The following FERMT2 variants were observed in gnomAD, a reference collection of about 807,000 sequenced individuals.
The protein encoded by FERMT2 is fermitin family homolog 2.
In FERMT2, 15 loss-of-function variants were observed where a neutral mutation model predicts 82.7. The observed-to-expected ratio is 0.18, with a 90% CI of 0.12 to 0.28. FERMT2 has a LOEUF of 0.28. Ranked by LOEUF, FERMT2 falls within the 10% of genes least tolerant of loss-of-function variation. The pLI is 1.00. For synonymous variants in FERMT2, 274 were observed against 271.5 expected (o/e 1.01, Z -0.09); for missense variants, 645 against 809.4 (o/e 0.80, Z 2.46).
In FERMT2 at chr14:52,897,972, G is replaced by A. The variant is rs1206783544; in HGVS notation, c.392-4545C>T. ...GCCTGGGCAAGGAGAGTGAAACTCCGTCTCAAAAAAAAAAAAAAAAAACAA... is the reference window on the plus strand; with the variant it reads ...GCCTGGGCAAGGAGAGTGAAACTCCATCTCAAAAAAAAAAAAAAAAAACAA... On this transcript the variant is annotated intron_variant, in intron 3 of 14. Transcript: ENST00000341590. Among the ~76,000 whole-genome samples, 9 of 53,768 alleles carry A rather than the reference G, an allele frequency of 1.7e-4. No homozygotes were observed. In the East Asian group the frequency reaches 3.9e-3, roughly 23 times the overall value. The allele number at this position is 53,768 out of a possible 152,430, so 35.3% of individuals were successfully genotyped here.
chr14:52,920,068 C>T (rs1416835737), intron 2 of FERMT2, among the ~76,000 whole-genome samples: 2 of 152,142 alleles, frequency 1.3e-5, no homozygotes, highest in African/African-American at 4.8e-5. Context: ...ATTTAACAGC[C>T]TTATGCAACT....
At chr14:52,940,048 A>G (rs1890022104) in intron 2 of FERMT2, among the ~76,000 whole-genome samples, 2 of 152,318 alleles carry the variant, frequency 1.3e-5, no homozygotes, top group Admixed American at 6.5e-5. Flanking sequence ...TACCTAATGT[A>G]TTTTTTAGTT....
At chr14:52,902,266 A>G (rs1887697879) in intron 3 of FERMT2, among the ~76,000 whole-genome samples, 1 of 151,842 alleles carries the variant, frequency 6.6e-6, no homozygotes, top group South Asian at 2.1e-4. Flanking sequence ...GATGGCGTGC[A>G]TCTGTAGTCC....
rs77587551 is a variant in FERMT2, at chr14:52,866,562, C to G, written c.1274-1709G>C. ...TAACTTTTCCTTGCCTATACTCAGGCTGCTTAGCACTGCAAGATGGGAAGA... is the reference window on the plus strand; with the variant it reads ...TAACTTTTCCTTGCCTATACTCAGGGTGCTTAGCACTGCAAGATGGGAAGA... On this transcript the variant is annotated intron_variant, in intron 10 of 14. Transcript: ENST00000341590. Among the ~76,000 whole-genome samples, 247 of 152,272 alleles carry G rather than the reference C, an allele frequency of 1.6e-3. 1 individual carries two copies. Among genetic ancestry groups the G allele is most frequent in the African/African-American group, 5.6e-3 (234 of 41,566 alleles).
At chr14:52,864,268 C>G in intron 12 of FERMT2, 133 bp downstream of exon 12, 1 of 640,762 alleles carries the variant, frequency 1.6e-6, no homozygotes, top group Non-Finnish European at 2.7e-6. Context: ...GATACTCTAA[C>G]TGTATTTTAT....
At chr14:52,892,738 G>A (rs1887020076) in intron 4 of FERMT2, among the ~76,000 whole-genome samples, 2 of 152,194 alleles carry the variant, frequency 1.3e-5, no homozygotes, top group African/African-American at 2.4e-5. Context: ...TTACAGGCGT[G>A]AGCCACCGCG....
At chr14:52,913,496 T>C (rs1302530828) in intron 3 of FERMT2, among the ~76,000 whole-genome samples, 1 of 152,168 alleles carries the variant, frequency 6.6e-6, no homozygotes, top group African/African-American at 2.4e-5. Context: ...CATTTTCTGA[T>C]GTGCACGTAA....
chr14:52,946,014 C>A (rs905826916), intron 2 of FERMT2, among the ~76,000 whole-genome samples: 3 of 151,996 alleles, frequency 2.0e-5, no homozygotes, highest in Non-Finnish European at 4.4e-5. Flanking sequence ...GTAGCTGGGA[C>A]TACAGGTGCC....
intron 3 of FERMT2, among the ~76,000 whole-genome samples, chr14:52,913,714 A>AGTAGTAGTAGTAGT (rs1566746975): frequency 2.0e-5 from 3 of 152,146 alleles, no homozygotes; most frequent in Admixed American, 6.5e-5. Context: ...TAGTAGTAGT[A>AGTAGTAGTAGTAGT]ATGAAAGACC....
intron 4 of FERMT2, among the ~76,000 whole-genome samples, chr14:52,888,988 G>T (rs1419981345): frequency 1.3e-5 from 2 of 152,172 alleles, no homozygotes; most frequent in African/African-American, 2.4e-5. Context: ...ACAGAAGGGA[G>T]AAGGAGACGG....
At chr14:52,900,150 G>A (rs906322552) in intron 3 of FERMT2, among the ~76,000 whole-genome samples, 3 of 151,942 alleles carry the variant, frequency 2.0e-5, no homozygotes, top group Non-Finnish European at 2.9e-5. Context: ...CTGTCACCCA[G>A]GCTGGAATGA....
At chr14:52,888,391 C>CT (rs1886733319) in intron 4 of FERMT2, among the ~76,000 whole-genome samples, 1 of 152,108 alleles carries the variant, frequency 6.6e-6, no homozygotes, top group South Asian at 2.1e-4. Context: ...AACTCAATCA[C>CT]GATTATTCAT....
chr14:52,864,841 G>C lies in FERMT2; in HGVS notation c.1286C>G (p.Thr429Ser). The C allele has an allele frequency of 1.2e-6, 2 of 1,602,694 alleles. No individual in the cohort carries two copies. The highest frequency in any genetic ancestry group is 1.1e-5 in the South Asian group (1 of 90,264). ...TTGGCCTGAAATGTTTACATCTGGG[G>C]TAACTTCACATCCTGTAACAAAAAA... The part of the protein sequence containing the change: ...HQMNLRGCEV[T>S]PDVNISGQKF... Residue 429 changes from threonine (T) to serine (S), a missense_variant, in exon 11 of 15, where the codon ACC (threonine) becomes AGC (serine). Coordinates refer to ENST00000341590, the MANE Select transcript of FERMT2 (RefSeq NM_006832.3).
chr14:52,867,799 A>T (rs980016378), intron 10 of FERMT2, among the ~76,000 whole-genome samples: 1 of 152,110 alleles, frequency 6.6e-6, no homozygotes, highest in Non-Finnish European at 1.5e-5. Context: ...TTCTTATCTC[A>T]GTATCACACT....
chr14:52,873,704 CTT>C (rs1268079365), intron 9 of FERMT2: 3 of 152,726 alleles, frequency 2.0e-5, no homozygotes, highest in East Asian at 1.9e-4. Context: ...GCCGAGCTCT[CTT>C]GATTCTGTGG....
Position 52,864,813 on chromosome 14 carries a change from T to C in FERMT2, c.1314A>G (p.Lys438=), listed in dbSNP as rs1426670166. The C allele has an allele frequency of 1.9e-6, 3 of 1,611,742 alleles. No homozygotes were observed. In the South Asian group the frequency reaches 3.3e-5, roughly 18 times the overall value. ...VTPDVNISGQ[K]FNIKLLIPVA... ...CTGGAATCAGGAGTTTAATGTTAAA[T>C]TTTTGGCCTGAAATGTTTACATCTG... Residue 438 remains lysine, a synonymous_variant, in exon 11 of 15, where the codon AAA becomes AAG. Coordinates refer to ENST00000341590, the MANE Select transcript of FERMT2 (RefSeq NM_006832.3).
intron 2 of FERMT2, among the ~76,000 whole-genome samples, chr14:52,938,703 A>T (rs986450266): frequency 1.3e-5 from 2 of 152,140 alleles, no homozygotes. Flanking sequence ...AGTAACTGAG[A>T]CCATAGGCAT....
chr14:52,915,691 TG>T (rs1888577227), intron 3 of FERMT2, among the ~76,000 whole-genome samples: 1 of 152,196 alleles, frequency 6.6e-6, no homozygotes, highest in Admixed American at 6.5e-5. Context: ...AGATGATACC[TG>T]TAATTCAAAA....
At chr14:52,903,865 C>T (rs1455473225) in intron 3 of FERMT2, among the ~76,000 whole-genome samples, 1 of 152,110 alleles carries the variant, frequency 6.6e-6, no homozygotes, top group East Asian at 1.9e-4. Flanking sequence ...TGTGACTGTA[C>T]ACCTTGGCCA....
Sources: allele counts gnomAD v4.1 joint callset (sites outside exome capture counted in the v4.1 genomes callset), GRCh38; gene constraint gnomAD v4.1.1; transcripts MANE v1.5; gene names NCBI Gene and HGNC (gene_info 2026-07-23, HGNC 2026-07-21).